NBPF10: variants seen among roughly 807,000 people sequenced by gnomAD.
The protein encoded by NBPF10 is NBPF member 10.
NBPF10 carries 63 observed loss-of-function variants against 77.9 expected under a neutral mutation model. The observed-to-expected ratio is 0.81, with a 90% CI of 0.66 to 1.00. The LOEUF (loss-of-function observed/expected upper bound fraction) is 1.00, where lower values mean the gene tolerates loss of function less well. Among genes scored for constraint, NBPF10 ranks in the 50% least tolerant of loss-of-function variants. The pLI is 0.00. For synonymous variants in NBPF10, 146 were observed against 264.5 expected (o/e 0.55, Z 4.35); for missense variants, 522 against 679.8 (o/e 0.77, Z 2.58).
rs587677719 is a variant in NBPF10, at chr1:146,126,427, G to A, written c.1854-19C>T. 8.4e-6 allele frequency: 9 copies of A among 1,068,168 alleles called. No homozygotes were observed. The highest frequency in any genetic ancestry group is 1.0e-5 in the Non-Finnish European group (7 of 689,704). The allele number at this position is 1,068,168 out of a possible 1,614,324, so 66.2% of individuals were successfully genotyped here. On this transcript the variant is annotated intron_variant, in intron 13 of 89. Transcript: ENST00000583866. Reference sequence around the variant, plus strand: ...GCTGAGCGTGGAAAAGTAGGAAAAAGTAAAGAATAAGCCAGGGGGAATCAG... The same window carrying A: ...GCTGAGCGTGGAAAAGTAGGAAAAAATAAAGAATAAGCCAGGGGGAATCAG...
chr1:146,066,730 C>T (rs1445171606), intron 89 of NBPF10, among the ~76,000 whole-genome samples, 169 bp from the exon 90 acceptor site: 1 of 149,062 alleles, frequency 6.7e-6, no homozygotes, highest in South Asian at 2.2e-4. Context: ...AGAACAGGGC[C>T]AGGTAGAAAA....
In NBPF10 at chr1:146,125,656, C is replaced by A; in HGVS notation, c.2027-140G>T. 3.8e-6 allele frequency: 2 copies of A among 523,400 alleles called. 1 individual carries two copies. Among genetic ancestry groups the A allele is most frequent in the Non-Finnish European group, 6.9e-6 (2 of 290,068 alleles). The allele number at this position is 523,400 out of a possible 1,614,324, so 32.4% of individuals were successfully genotyped here. On this transcript the variant is annotated intron_variant, in intron 14 of 89. Coordinates refer to ENST00000583866, the Ensembl canonical transcript of NBPF10. ...ACTGTGAGAGATATTCTTCAGGAGG[C>A]CTGAAGGCTGATCACCACAGAGATT...
At chr1:146,127,077 G>C in exon 13 of NBPF10, 1 of 495,920 alleles carries the variant, frequency 2.0e-6, no homozygotes, top group South Asian at 1.9e-5. Flanking sequence ...TCCCACCGAT[G>C]TCCTGCAAAT....
In NBPF10 at chr1:146,069,719, G is replaced by T; in HGVS notation, c.10638-4C>A. On this transcript the variant is annotated splice_region_variant and splice_polypyrimidine_tract_variant and intron_variant, in intron 85 of 89. Transcript: ENST00000583866. Reference sequence around the variant, plus strand: ...ATCCAGCAGCTCCCTGCTGAGCCTGGAAAAGTGGGAAAAAGTAAAGAATAA... The same window carrying T: ...ATCCAGCAGCTCCCTGCTGAGCCTGTAAAAGTGGGAAAAAGTAAAGAATAA... 1 of 771,900 alleles carries T rather than the reference G, an allele frequency of 1.3e-6. No individual in the cohort carries two copies. The allele number at this position is 771,900 out of a possible 1,614,324, so 47.8% of individuals were successfully genotyped here.
At chr1:146,109,348 AG>A (rs1657357355) in intron 35 of NBPF10, among the ~76,000 whole-genome samples, 1,738 of 57,058 alleles carry the variant, frequency 0.03, 2 homozygotes, top group African/African-American at 0.082. Context: ...ACACACACAG[AG>A]AGAGAGAGAG....
intron 2 of NBPF10, among the ~76,000 whole-genome samples, chr1:146,142,378 G>A (rs1233849701): frequency 1.5e-5 from 2 of 133,774 alleles, no homozygotes; most frequent in South Asian, 2.6e-4. Context: ...CTGCTGGGTG[G>A]TTCCCACTCC....
At chr1:146,123,518 AC>A (rs1658328634) in intron 17 of NBPF10, among the ~76,000 whole-genome samples, 4 of 106,726 alleles carry the variant, frequency 3.7e-5, no homozygotes, top group African/African-American at 1.8e-4. Flanking sequence ...ACACACACAC[AC>A]ACACACAGAG....
chr1:146,067,263 T>G (rs1163575355), exon 89 of NBPF10: 8 of 574,078 alleles, frequency 1.4e-5, no homozygotes, highest in Non-Finnish European at 2.2e-5. Context: ...CCCTTCTTTT[T>G]TTCCCCTTCC....
rs1656658795 is a variant in NBPF10 at position 146,085,957 on chromosome 1, C to A, written c.8159+207G>T. 1.1e-4 allele frequency among the ~76,000 whole-genome samples: 2 copies of A among 18,242 alleles called. 1 individual carries two copies. Among genetic ancestry groups the A allele is most frequent in the Non-Finnish European group, 2.1e-4 (2 of 9,590 alleles). The allele number at this position is 18,242 out of a possible 152,430, so 12.0% of individuals were successfully genotyped here. On this transcript the variant is annotated intron_variant, in intron 65 of 89. Coordinates refer to ENST00000583866, the Ensembl canonical transcript of NBPF10. ...TGAGAATAGTTTTTGAAGTCTGGTC[C>A]ACCTACAGTAGGATAGTAAATGATA...
At chr1:146,066,669 A>T in intron 89 of NBPF10, 108 bp from the exon 90 acceptor site, 1 of 544,582 alleles carries the variant, frequency 1.8e-6, no homozygotes, top group Non-Finnish European at 3.3e-6. Context: ...AAGAAAAAGG[A>T]TAGAACCATT....
chr1:146,109,343 C>CAGAG (rs1467781000), intron 35 of NBPF10, among the ~76,000 whole-genome samples: 6 of 91,710 alleles, frequency 6.5e-5, no homozygotes, highest in Non-Finnish European at 9.4e-5. Flanking sequence ...CACACACACA[C>CAGAG]ACAGAGAGAG....
At chr1:146,137,723 C>T (rs61814634) in intron 6 of NBPF10, among the ~76,000 whole-genome samples, 2,112 of 134,536 alleles carry the variant, frequency 0.016, no homozygotes, top group African/African-American at 0.054. Flanking sequence ...CACTTATAGA[C>T]AGCACAGGTT....
chr1:146,069,627 C>T (rs782681149), exon 86 of NBPF10: 7 of 1,570,454 alleles, frequency 4.5e-6, no homozygotes, highest in Non-Finnish European at 5.2e-6. Context: ...TCACACAGTT[C>T]AAGACAACCT....
intron 89 of NBPF10, 143 bp from the exon 90 acceptor site, chr1:146,066,704 G>A (rs1243578724): frequency 5.1e-6 from 3 of 582,750 alleles, no homozygotes; most frequent in East Asian, 2.8e-5. Flanking sequence ...AAAATTTATT[G>A]CCTTTATGTT....
At chr1:146,066,946 T>C (rs1655141029) in intron 89 of NBPF10, among the ~76,000 whole-genome samples, 1 of 145,360 alleles carries the variant, frequency 6.9e-6, no homozygotes, top group African/African-American at 2.5e-5. Flanking sequence ...TTCGATGCAG[T>C]GGCCATGAGA....
At chr1:146,067,088 A>G in intron 89 of NBPF10, 92 bp downstream of exon 89, 1 of 613,372 alleles carries the variant, frequency 1.6e-6, no homozygotes, top group Non-Finnish European at 3.0e-6. Flanking sequence ...GCCTTCGTTG[A>G]AAACATGTCA....
In NBPF10 at chr1:146,126,426, A is replaced by G. The variant is rs782369517; in HGVS notation, c.1854-18T>C. 2.2e-5 allele frequency: 23 copies of G among 1,068,406 alleles called. 1 individual carries two copies. In the South Asian group the frequency reaches 2.6e-4, roughly 12 times the overall value. The allele number at this position is 1,068,406 out of a possible 1,614,324, so 66.2% of individuals were successfully genotyped here. On this transcript the variant is annotated intron_variant, in intron 13 of 89. Transcript: ENST00000583866. Reference sequence around the variant, plus strand: ...TGCTGAGCGTGGAAAAGTAGGAAAAAGTAAAGAATAAGCCAGGGGGAATCA... The same window carrying G: ...TGCTGAGCGTGGAAAAGTAGGAAAAGGTAAAGAATAAGCCAGGGGGAATCA...
At chr1:146,135,920 G>A (rs587753389) in intron 7 of NBPF10, among the ~76,000 whole-genome samples, 9 of 147,834 alleles carry the variant, frequency 6.1e-5, no homozygotes, top group South Asian at 4.5e-4. Flanking sequence ...CAGATGGGGC[G>A]AATTGAAAAG....
At chr1:146,069,089 A>AT (rs1396697693) in intron 86 of NBPF10, among the ~76,000 whole-genome samples, 9 of 51,576 alleles carry the variant, frequency 1.7e-4, no homozygotes, top group African/African-American at 8.8e-4. Context: ...GTTATGCCAT[A>AT]TTTTTCCAAT....
Sources: allele counts gnomAD v4.1 joint callset (sites outside exome capture counted in the v4.1 genomes callset), GRCh38; gene constraint gnomAD v4.1.1; transcripts MANE v1.5; gene names NCBI Gene and HGNC (gene_info 2026-07-23, HGNC 2026-07-21).